Variants in DAB2IP observed in about 807,000 individuals in gnomAD.
DAB2IP encodes the protein DAB2 interacting protein.
DAB2IP carries 28 observed loss-of-function variants against 107.2 expected under a neutral mutation model. That is an observed-to-expected ratio of 0.26 (90% CI 0.19 to 0.36). The LOEUF (loss-of-function observed/expected upper bound fraction) is 0.36. DAB2IP is among the 10% of genes least tolerant of loss of function. The pLI is 1.00. For synonymous variants in DAB2IP, 755 were observed against 706.4 expected, an observed-to-expected ratio of 1.07 and a Z score of -1.09; for missense variants, 1,400 against 1,644.7, an observed-to-expected ratio of 0.85 and a Z score of 2.57.
intron 3 of DAB2IP, among the ~76,000 whole-genome samples, chr9:121,752,612 C>CCT (rs1307557161): frequency 6.6e-6 from 1 of 152,200 alleles, no homozygotes; most frequent in African/African-American, 2.4e-5. Context: ...TGGGGCCCTG[C>CCT]CTGAGACTCC....
At position 121,570,634 on chromosome 9, in the gene DAB2IP, G is replaced by A. The variant is rs185581892; in HGVS notation, c.40+3406G>A. Among the ~76,000 whole-genome samples the A allele has an allele frequency of 1.6e-3, 248 of 152,162 alleles. 2 individuals are homozygous for A. Among genetic ancestry groups the A allele is most frequent in the African/African-American group, 5.8e-3 (239 of 41,506 alleles). On this transcript the variant is annotated intron_variant, in intron 1 of 16. Transcript: ENST00000259371. The stretch of plus-strand genomic sequence containing the variant: ...CATGATCACAGCTTACTGCAGCTTC[G>A]AACTCCTGGGTGTAAGCAATCCTCC...
exon 13 of DAB2IP, chr9:121,774,364 C>T (rs746928111): frequency 5.6e-6 from 9 of 1,612,766 alleles, no homozygotes; most frequent in Middle Eastern, 1.6e-4. Flanking sequence ...CAGACCCCCC[C>T]CACAGGGATA....
chr9:121,653,555 A>G (rs1378901803), intron 1 of DAB2IP, among the ~76,000 whole-genome samples: 1 of 152,168 alleles, frequency 6.6e-6, no homozygotes, highest in African/African-American at 2.4e-5. Context: ...AAACTGAGAA[A>G]TGGGAGCTTT....
At chr9:121,641,949 CCTTTCTTTCTT>C (rs1832323612) in intron 1 of DAB2IP, among the ~76,000 whole-genome samples, 4 of 64,058 alleles carry the variant, frequency 6.2e-5, no homozygotes, top group African/African-American at 4.0e-4. Flanking sequence ...CTCTTTCTTT[CCTTTCTTTCTT>C]TCTCTCTCTC....
exon 6 of DAB2IP, chr9:121,759,999 C>G: frequency 6.2e-7 from 1 of 1,614,214 alleles, no homozygotes; most frequent in Non-Finnish European, 8.5e-7. Context: ...GCTCTATGCC[C>G]GCACCACGGG....
upstream of DAB2IP, among the ~76,000 whole-genome samples, chr9:121,646,998 T>A (rs931571768): frequency 1.3e-5 from 2 of 152,216 alleles, no homozygotes; most frequent in African/African-American, 4.8e-5. Context: ...ATGATGTGGG[T>A]AGAATGCTGA....
intron 1 of DAB2IP, among the ~76,000 whole-genome samples, chr9:121,585,565 G>A (rs1830294129): frequency 6.6e-6 from 1 of 152,154 alleles, no homozygotes; most frequent in Non-Finnish European, 1.5e-5. Flanking sequence ...ATAAAAGAGT[G>A]CACAAGATTG....
At chr9:121,710,537 A>G (rs1830289650) in intron 3 of DAB2IP, among the ~76,000 whole-genome samples, 1 of 152,182 alleles carries the variant, frequency 6.6e-6, no homozygotes, top group African/African-American at 2.4e-5. Context: ...TCACCTGGGC[A>G]GAGCTGATGA....
At chr9:121,763,782 G>A in exon 8 of DAB2IP, 1 of 1,614,104 alleles carries the variant, frequency 6.2e-7, no homozygotes, top group Non-Finnish European at 8.5e-7. Flanking sequence ...CTGCGAAGTG[G>A]ATCCCAGCAA....
Position 121,684,352 on chromosome 9 carries a change from C to T in DAB2IP, c.228+5571C>T, listed in dbSNP as rs962185940. Among the ~76,000 whole-genome samples the T allele has an allele frequency of 1.3e-5, 2 of 152,150 alleles. No individual in the cohort carries two copies. Among genetic ancestry groups the T allele is most frequent in the African/African-American group, 4.8e-5 (2 of 41,408 alleles). Reference sequence around the variant, plus strand: ...GAGTTGAGCCCAGGTCTCTGTCCCTCTCCCCCGCATCCAGTGGTCCTCACC... The same window carrying T: ...GAGTTGAGCCCAGGTCTCTGTCCCTTTCCCCCGCATCCAGTGGTCCTCACC... On this transcript the variant is annotated intron_variant, in intron 2 of 15. Transcript: ENST00000408936. This position sits in a 1 kb window ranked among gnomAD's most constrained non-coding sequence, Gnocchi z 4.0.
intron 13 of DAB2IP, among the ~76,000 whole-genome samples, chr9:121,774,879 C>T (rs545285835): frequency 2.0e-5 from 3 of 152,312 alleles, no homozygotes; most frequent in East Asian, 3.9e-4. Flanking sequence ...TGCCTGCCCA[C>T]GGCCTGGCTC....
intron 14 of DAB2IP, among the ~76,000 whole-genome samples, chr9:121,777,587 C>A (rs1323093275): frequency 2.0e-5 from 3 of 152,216 alleles, no homozygotes; most frequent in Admixed American, 6.5e-5. Context: ...ACTAACCAAT[C>A]CTGGAATATT....
intron 1 of DAB2IP, among the ~76,000 whole-genome samples, chr9:121,640,362 G>C (rs890140155): frequency 2.1e-4 from 27 of 129,686 alleles, no homozygotes; most frequent in Non-Finnish European, 1.9e-4. Flanking sequence ...CCTGTGTCAG[G>C]GGGGCGACAA....
chr9:121,690,082 C>T (rs1420508286), intron 2 of DAB2IP, among the ~76,000 whole-genome samples: 1 of 152,240 alleles, frequency 6.6e-6, no homozygotes, highest in African/African-American at 2.4e-5. Context: ...ATGGGAAGCT[C>T]TAATACAGTG....
intron 11 of DAB2IP, among the ~76,000 whole-genome samples, chr9:121,771,727 C>T (rs1018195350): frequency 2.0e-5 from 3 of 152,082 alleles, no homozygotes; most frequent in Non-Finnish European, 2.9e-5. Context: ...TTTCCTGGCT[C>T]ATCTGCTGCT....
At position 121,772,965 on chromosome 9, in the gene DAB2IP, T is replaced by G. The variant is rs149452173; in HGVS notation, c.2437T>G (p.Ser813Ala). The G allele has an allele frequency of 1.0e-3, 1,586 of 1,590,578 alleles. 3 individuals are homozygous for G. The highest frequency in any genetic ancestry group is 6.2e-3 in the African/African-American group (461 of 74,718). Reference sequence around the variant, plus strand: ...CCAGACACCAACCACACCAGGCACCTCCGAGGGCGCGCCAGGCCGGCCCCA... The same window carrying G: ...CCAGACACCAACCACACCAGGCACCGCCGAGGGCGCGCCAGGCCGGCCCCA... Residue 813 changes from serine (S) to alanine (A), a missense_variant, in exon 12 of 16, where the codon TCC (serine) becomes GCC (alanine). Physicochemically the swap from Ser to Ala is moderately conservative, Grantham distance 99. Transcript: ENST00000408936. The surrounding 1 kb of genome is among the most constrained non-coding windows in gnomAD (Gnocchi z 4.7).
rs1344021025 is a variant in DAB2IP at position 121,768,649 on chromosome 9, G to A, written c.1899+16G>A. ...GCTGGAGCAGGTGCCTGTTGCCGTG[G>A]GGCGGAGGTGGGGCCAAAAGCTGCC... On this transcript the variant is annotated intron_variant, in intron 10 of 15. Coordinates refer to ENST00000408936, the Ensembl canonical transcript of DAB2IP. The A allele has an allele frequency of 6.2e-7, 1 of 1,612,218 alleles. No individual in the cohort carries two copies. The highest frequency in any genetic ancestry group is 1.1e-5 in the South Asian group (1 of 91,028).
intron 8 of DAB2IP, among the ~76,000 whole-genome samples, 155 bp downstream of exon 8, chr9:121,764,034 A>G (rs1016869809): frequency 6.6e-6 from 1 of 152,192 alleles, no homozygotes. Context: ...CAGGTGGGGC[A>G]GCGTTCAGCA....
intron 1 of DAB2IP, among the ~76,000 whole-genome samples, chr9:121,617,624 C>T (rs891013257): frequency 6.6e-6 from 1 of 152,224 alleles, no homozygotes; most frequent in African/African-American, 2.4e-5. Context: ...GACCACCCTC[C>T]CCGCTGAGGT....
Sources: gnomAD v4.1 joint callset for allele counts (sites outside exome capture counted in the v4.1 genomes callset) on GRCh38, gnomAD v4.1.1 for gene constraint, Gnocchi (gnomAD v3.1) non-coding constraint, MANE v1.5 for transcripts, NCBI Gene and HGNC (gene_info 2026-07-23, HGNC 2026-07-21) for gene names.